Variants in SMURF2 observed in about 807,000 individuals in gnomAD.
SMURF2 encodes the protein E3 ubiquitin-protein ligase SMURF2.
In SMURF2, 48 loss-of-function variants were observed where a neutral mutation model predicts 109.6. The observed-to-expected ratio is 0.44, with a 90% CI of 0.35 to 0.56. The LOEUF (loss-of-function observed/expected upper bound fraction) is 0.56, where lower values mean the gene tolerates loss of function less well. Ranked by LOEUF, SMURF2 falls within the 20% of genes least tolerant of loss-of-function variation. The pLI is 0.01. For synonymous variants in SMURF2, 288 were observed against 317.1 expected (o/e 0.91, Z 0.97); for missense variants, 575 against 909.0 (o/e 0.63, Z 4.72).
intron 1 of SMURF2, among the ~76,000 whole-genome samples, chr17:64,645,946 T>C (rs1196953750): frequency 1.3e-5 from 2 of 152,212 alleles, no homozygotes; most frequent in Non-Finnish European, 2.9e-5. Flanking sequence ...AAGTAGGTAA[T>C]GAAAGAAGTT....
intron 12 of SMURF2, among the ~76,000 whole-genome samples, chr17:64,558,650 C>T (rs1183114313): frequency 6.6e-6 from 1 of 152,144 alleles, no homozygotes; most frequent in Non-Finnish European, 1.5e-5. Context: ...CAAGGGCAAA[C>T]GTGCATTCTT....
At chr17:64,632,606 A>G (rs1268270008) in intron 1 of SMURF2, among the ~76,000 whole-genome samples, 1 of 152,260 alleles carries the variant, frequency 6.6e-6, no homozygotes, top group Non-Finnish European at 1.5e-5. Flanking sequence ...TAAGGAAGTT[A>G]CAAATGCTTC....
intron 5 of SMURF2, among the ~76,000 whole-genome samples, chr17:64,587,080 G>A (rs1335581444): frequency 2.0e-5 from 3 of 152,164 alleles, no homozygotes; most frequent in Admixed American, 2.0e-4. Flanking sequence ...GGAGGCTGAG[G>A]CAGGGGAATC....
intron 1 of SMURF2, among the ~76,000 whole-genome samples, chr17:64,626,634 G>A (rs1166802352): frequency 6.6e-6 from 1 of 151,936 alleles, no homozygotes; most frequent in East Asian, 1.9e-4. Context: ...GTGGTGGCAG[G>A]CACCTGTAGT....
intron 1 of SMURF2, among the ~76,000 whole-genome samples, chr17:64,657,272 G>A (rs559474919): frequency 3.9e-5 from 6 of 152,218 alleles, no homozygotes; most frequent in African/African-American, 1.4e-4. Flanking sequence ...TAAAAGATGG[G>A]CAAGTATTGC....
intron 1 of SMURF2, among the ~76,000 whole-genome samples, chr17:64,631,279 GGGGAGAGAGAGAGAGA>G (rs1970339174): frequency 1.3e-4 from 1 of 7,456 alleles, no homozygotes; most frequent in African/African-American, 5.1e-4. Flanking sequence ...AGAGGGGGGG[GGGGAGAGAGAGAGAGA>G]GAGAGAGAGA....
chr17:64,572,535 G>C (rs1488314691), intron 9 of SMURF2, among the ~76,000 whole-genome samples: 1 of 152,194 alleles, frequency 6.6e-6, no homozygotes, highest in Non-Finnish European at 1.5e-5. Flanking sequence ...ACATTACCAA[G>C]AGTGCTCTAA....
At chr17:64,631,976 G>T (rs1172852367) in intron 1 of SMURF2, among the ~76,000 whole-genome samples, 1 of 132,962 alleles carries the variant, frequency 7.5e-6, no homozygotes, top group African/African-American at 3.0e-5. Context: ...GGGGGGGGGG[G>T]GGGGTGGACA....
chr17:64,650,910 T>TAA (rs60191277), intron 1 of SMURF2, among the ~76,000 whole-genome samples: 5,371 of 143,696 alleles, frequency 0.037, 319 homozygotes, highest in African/African-American at 0.13. Flanking sequence ...GCACGGTGGT[T>TAA]AAAAAAAAAA....
intron 2 of SMURF2, among the ~76,000 whole-genome samples, chr17:64,599,440 G>GGGCTTTGA (rs1237059347): frequency 6.6e-6 from 1 of 152,222 alleles, no homozygotes; most frequent in Non-Finnish European, 1.5e-5. Context: ...AGTAAAGAAA[G>GGGCTTTGA]GGCTTTGAGG....
chr17:64,587,932 C>G (rs1969685750), intron 5 of SMURF2, among the ~76,000 whole-genome samples: 1 of 151,500 alleles, frequency 6.6e-6, no homozygotes, highest in Non-Finnish European at 1.5e-5. Context: ...TTTACATCTC[C>G]AGAATGCTAT....
chr17:64,566,561 GTTTTTTTTTTTTTTTTTT>G (rs1164717270), intron 10 of SMURF2, among the ~76,000 whole-genome samples: 7 of 43,784 alleles, frequency 1.6e-4, no homozygotes, highest in Admixed American at 4.2e-4. Context: ...AAGCTTTCTG[GTTTTTTTTTTTTTTTTTT>G]TTTTTTTTTT....
In SMURF2 at chr17:64,634,557, C is replaced by T. The variant is rs112536067; in HGVS notation, c.52+27272G>A. ...TAGAATCATGCAAGGAATTGGTATC[C>T]GCCTCTGTAGATATTTTATATTCCA... is the stretch of plus-strand genomic sequence containing the variant. On this transcript the variant is annotated intron_variant, in intron 1 of 18. Coordinates refer to ENST00000262435, the MANE Select transcript of SMURF2 (RefSeq NM_022739.4). Among the ~76,000 whole-genome samples the T allele has an allele frequency of 9.2e-5, 14 of 152,246 alleles. No individual in the cohort carries two copies. In the East Asian group the frequency reaches 9.6e-4, roughly 10 times the overall value.
chr17:64,550,190 A>G (rs911270292), intron 16 of SMURF2, among the ~76,000 whole-genome samples: 3 of 152,206 alleles, frequency 2.0e-5, no homozygotes, highest in East Asian at 3.8e-4. Flanking sequence ...AGTAAAACCA[A>G]CCTTTTTAGA....
intron 1 of SMURF2, among the ~76,000 whole-genome samples, chr17:64,614,541 T>C (rs782360441): frequency 6.6e-6 from 1 of 152,238 alleles, no homozygotes; most frequent in Admixed American, 6.5e-5. Flanking sequence ...TTCTTAAGTC[T>C]ACACTCCCAG....
intron 1 of SMURF2, among the ~76,000 whole-genome samples, chr17:64,654,786 G>A (rs749994248): frequency 9.9e-5 from 15 of 152,112 alleles, no homozygotes; most frequent in Non-Finnish European, 2.2e-4. Flanking sequence ...CCGAGATGGC[G>A]CCATCGCACT....
chr17:64,638,085 CAG>C (rs1423773730), intron 1 of SMURF2, among the ~76,000 whole-genome samples: 2 of 96,806 alleles, frequency 2.1e-5, no homozygotes, highest in Non-Finnish European at 3.7e-5. Flanking sequence ...TTTTTTTTGA[CAG>C]AGTCTCACTC....
intron 3 of SMURF2, chr17:64,594,167 T>A (rs1238946316): frequency 6.6e-6 from 1 of 152,260 alleles, no homozygotes; most frequent in African/African-American, 2.4e-5. Context: ...CCTGTAAGTA[T>A]GTAAAAGCTC....
intron 1 of SMURF2, among the ~76,000 whole-genome samples, chr17:64,627,396 G>A (rs1383111872): frequency 1.3e-5 from 2 of 152,148 alleles, no homozygotes; most frequent in Non-Finnish European, 2.9e-5. Context: ...GATTACAGGC[G>A]TTAGCCACTG....
Sources: allele counts gnomAD v4.1 joint callset (sites outside exome capture counted in the v4.1 genomes callset), GRCh38; gene constraint gnomAD v4.1.1; transcripts MANE v1.5; gene names NCBI Gene and HGNC (gene_info 2026-07-23, HGNC 2026-07-21).